DIAPH2: variants seen among roughly 807,000 people sequenced by gnomAD.
The protein encoded by DIAPH2 is protein diaphanous homolog 2.
In DIAPH2, 35 loss-of-function variants were observed where a neutral mutation model predicts 92.7. The observed-to-expected ratio is 0.38, with a 90% CI of 0.29 to 0.50. The LOEUF is 0.50. DIAPH2 is among the 20% of genes least tolerant of loss of function. The probability of loss-of-function intolerance (pLI) is 0.94; values close to 1 mark genes in which losing one functional copy is unlikely to be tolerated. For synonymous variants in DIAPH2, 301 were observed against 280.4 expected, an observed-to-expected ratio of 1.07 and a Z score of -0.73; for missense variants, 701 against 819.5, an observed-to-expected ratio of 0.86 and a Z score of 1.77.
intron 5 of DIAPH2, among the ~76,000 whole-genome samples, chrX:96,911,466 C>G (rs2065468223): frequency 9.0e-6 from 1 of 111,286 alleles, no homozygotes; most frequent in African/African-American, 3.3e-5. Context: ...TTATGTCCAG[C>G]CAATCTCCTA....
intron 4 of DIAPH2, among the ~76,000 whole-genome samples, chrX:96,853,564 C>T (rs373469797): frequency 9.0e-5 from 10 of 111,017 alleles, no homozygotes; most frequent in African/African-American, 3.3e-4. Context: ...GAGAAATTTC[C>T]ATTTTCCATT....
At chrX:97,225,379 A>C (rs1294954177) in intron 22 of DIAPH2, among the ~76,000 whole-genome samples, 2 of 111,629 alleles carry the variant, frequency 1.8e-5, no homozygotes, top group Non-Finnish European at 3.8e-5. Flanking sequence ...GGCTCTGCAG[A>C]TACCCAACTG....
chrX:97,125,471 CAAAAAAAAAA>C (rs1159049051), intron 21 of DIAPH2, among the ~76,000 whole-genome samples: 2,017 of 19,200 alleles, frequency 0.11, 87 homozygotes, highest in African/African-American at 0.18. Context: ...GACTCCGTCT[CAAAAAAAAAA>C]AAAAAAAAAA....
intron 1 of DIAPH2, among the ~76,000 whole-genome samples, chrX:96,713,482 C>T (rs1235079205): frequency 9.0e-6 from 1 of 111,609 alleles, no homozygotes; most frequent in African/African-American, 3.3e-5. Flanking sequence ...AGTCAAGGAA[C>T]TTATGTTGAC....
chrX:97,117,222 G>A lies in DIAPH2; in HGVS notation c.2589+2257G>A, dbSNP rs780961607. Among the ~76,000 whole-genome samples the A allele has an allele frequency of 2.7e-5, 3 of 110,878 alleles. No homozygotes were observed. The South Asian group carries it at 1.2e-3, about 43-fold the overall frequency. ...ATGCATGATATTCCCATAATGTATAGGATTCGAAGGATGTTCCTGGAATAC... is the reference window on the plus strand; with the variant it reads ...ATGCATGATATTCCCATAATGTATAAGATTCGAAGGATGTTCCTGGAATAC... On this transcript the variant is annotated intron_variant, in intron 21 of 26. Transcript: ENST00000324765.
At chrX:96,805,344 G>A (rs1366539236) in intron 4 of DIAPH2, among the ~76,000 whole-genome samples, 2 of 110,353 alleles carry the variant, frequency 1.8e-5, no homozygotes, top group African/African-American at 6.6e-5. Context: ...GGATGATCAG[G>A]GTGGGCCTTG....
At chrX:96,997,333 G>GT (rs1294568281) in intron 17 of DIAPH2, among the ~76,000 whole-genome samples, 1 of 111,437 alleles carries the variant, frequency 9.0e-6, no homozygotes, top group East Asian at 2.8e-4. Flanking sequence ...TATCGTTGTA[G>GT]TATCTAGGAG....
In DIAPH2 at chrX:97,547,149, C is replaced by G. The variant is rs373134097; in HGVS notation, c.3242-52104C>G. ...GGAATGAGATCCAACTGCGAGGACCCCAGTCAGAAAGAGCTGAAGGCCCAT... is the reference window on the plus strand; with the variant it reads ...GGAATGAGATCCAACTGCGAGGACCGCAGTCAGAAAGAGCTGAAGGCCCAT... On this transcript the variant is annotated intron_variant, in intron 26 of 26. Coordinates refer to ENST00000324765, the MANE Select transcript of DIAPH2 (RefSeq NM_006729.5). 1.3e-4 allele frequency among the ~76,000 whole-genome samples: 14 copies of G among 111,408 alleles called. No individual in the cohort carries two copies. The East Asian group carries it at 2.3e-3, about 18-fold the overall frequency.
Position 97,365,694 on chromosome X carries a change from AT to A in DIAPH2, c.3009+17424del, listed in dbSNP as rs1196709515. Among the ~76,000 whole-genome samples the A allele has an allele frequency of 3.7e-3, 302 of 82,613 alleles. 1 individual carries two copies. The highest frequency in any genetic ancestry group is 0.012 in the African/African-American group (253 of 21,963). The allele number at this position is 82,613 out of a possible 115,157, so 71.7% of individuals were successfully genotyped here. A position where few individuals can be genotyped will look rare whatever the true frequency, so the allele number is the denominator to read the frequency against. ...TTTTTCTTTCTTTCTTTTTTTTTTCATTTTTTTTTTGTTTGTTTTGTTTTGT... is the reference window on the plus strand; with the variant it reads ...TTTTTCTTTCTTTCTTTTTTTTTTCATTTTTTTTTGTTTGTTTTGTTTTGT... On this transcript the variant is annotated intron_variant, in intron 24 of 26. Coordinates refer to ENST00000324765, the MANE Select transcript of DIAPH2 (RefSeq NM_006729.5).
intron 1 of DIAPH2, among the ~76,000 whole-genome samples, chrX:96,702,060 A>G (rs1372695675): frequency 1.8e-5 from 2 of 111,975 alleles, no homozygotes; most frequent in African/African-American, 6.5e-5. Context: ...ATGAGCTGTA[A>G]TTTTCTATTT....
intron 20 of DIAPH2, among the ~76,000 whole-genome samples, chrX:97,104,468 A>G (rs978087945): frequency 7.3e-5 from 8 of 109,871 alleles, no homozygotes; most frequent in Admixed American, 2.9e-4. Context: ...ACCTCACTGC[A>G]GCCTCGAACT....
intron 5 of DIAPH2, among the ~76,000 whole-genome samples, chrX:96,904,317 G>A (rs950067476): frequency 8.9e-6 from 1 of 111,896 alleles, no homozygotes; most frequent in African/African-American, 3.2e-5. Context: ...AAATGGTAGT[G>A]TTACGTCAAA....
At chrX:97,266,947 A>AT (rs993650678) in intron 23 of DIAPH2, among the ~76,000 whole-genome samples, 9 of 111,639 alleles carry the variant, frequency 8.1e-5, no homozygotes, top group Non-Finnish European at 1.5e-4. Context: ...AGCAGAACTC[A>AT]TTTTTTGACA....
intron 23 of DIAPH2, among the ~76,000 whole-genome samples, chrX:97,292,870 C>A (rs2068605901): frequency 1.8e-5 from 2 of 111,278 alleles, no homozygotes; most frequent in Non-Finnish European, 3.8e-5. Context: ...TGGAAGCGGT[C>A]AGGATATAAA....
intron 23 of DIAPH2, among the ~76,000 whole-genome samples, chrX:97,307,419 C>G (rs1173831857): frequency 8.9e-6 from 1 of 111,774 alleles, no homozygotes; most frequent in Non-Finnish European, 1.9e-5. Flanking sequence ...ATTGAATAAC[C>G]AGGTGATTGG....
Position 97,600,740 on chromosome X carries a change from T to G in DIAPH2, c.*1423T>G, listed in dbSNP as rs1387038983. 1 of 89,210 alleles carries G rather than the reference T, an allele frequency of 1.1e-5. No homozygotes were observed. Among genetic ancestry groups the G allele is most frequent in the Non-Finnish European group, 2.2e-5 (1 of 46,415 alleles). The allele number at this position is 89,210 out of a possible 1,213,427, so 7.4% of individuals were successfully genotyped here. A position where few individuals can be genotyped will look rare whatever the true frequency, so the allele number is the denominator to read the frequency against. On this transcript the variant is annotated 3_prime_UTR_variant, in exon 27 of 27. Transcript: ENST00000324765. ...AAATTTCTTACATGTATATTTCTTA[T>G]GTAGAAAATACTGTTTCTACTCATT... is the stretch of plus-strand genomic sequence containing the variant.
chrX:97,476,587 C>T lies in DIAPH2; in HGVS notation c.3241+46842C>T, dbSNP rs1434543387. On this transcript the variant is annotated intron_variant, in intron 26 of 26. Coordinates refer to ENST00000324765, the MANE Select transcript of DIAPH2 (RefSeq NM_006729.5). ...GCTTAAACAGTGCTTCTGTATAGAA[C>T]TTGTAGTATGAAATATGACTTCAAA... Among the ~76,000 whole-genome samples, 4 of 111,336 alleles carry T rather than the reference C, an allele frequency of 3.6e-5. No individual in the cohort carries two copies. The South Asian group carries it at 1.1e-3, about 32-fold the overall frequency.
In DIAPH2 at chrX:97,599,547, T is replaced by TAAAG. The variant is rs1274662725; in HGVS notation, c.*232_*235dup. On this transcript the variant is annotated 3_prime_UTR_variant, in exon 27 of 27. Coordinates refer to ENST00000324765, the MANE Select transcript of DIAPH2 (RefSeq NM_006729.5). ...TTACAAAATGTGTTCCATTTTAGTG[T>TAAAG]AAAGATGTGTATCATTTGTAATTGT... The TAAAG allele has an allele frequency of 4.5e-6, 1 of 223,869 alleles. No homozygotes were observed. The highest frequency in any genetic ancestry group is 1.1e-4 in the East Asian group (1 of 9,215). The allele number at this position is 223,869 out of a possible 1,213,427, so 18.4% of individuals were successfully genotyped here. A position where few individuals can be genotyped will look rare whatever the true frequency, so the allele number is the denominator to read the frequency against.
In DIAPH2 at chrX:97,602,652, G is replaced by C. The variant is rs1043906264; in HGVS notation, c.*3335G>C. 4.5e-5 allele frequency: 5 copies of C among 111,582 alleles called. No homozygotes were observed. Among genetic ancestry groups the C allele is most frequent in the Non-Finnish European group, 1.9e-5 (1 of 53,099 alleles). The allele number at this position is 111,582 out of a possible 1,213,427, so 9.2% of individuals were successfully genotyped here. A position where few individuals can be genotyped will look rare whatever the true frequency, so the allele number is the denominator to read the frequency against. ...CTCTTCTTTCTTGGACTATGGATTGGGCCTCTGCCTCTGTGCCTATGGGTT... is the reference window on the plus strand; with the variant it reads ...CTCTTCTTTCTTGGACTATGGATTGCGCCTCTGCCTCTGTGCCTATGGGTT... On this transcript the variant is annotated 3_prime_UTR_variant, in exon 27 of 27. Transcript: ENST00000324765.
Sources: gnomAD v4.1 joint callset for allele counts (sites outside exome capture counted in the v4.1 genomes callset) on GRCh38, gnomAD v4.1.1 for gene constraint, MANE v1.5 for transcripts, NCBI Gene and HGNC (gene_info 2026-07-23, HGNC 2026-07-21) for gene names.